FOXP1: variants seen among roughly 807,000 people sequenced by gnomAD.
FOXP1 encodes forkhead box P1.
FOXP1 carries 15 observed loss-of-function variants against 98.2 expected under a neutral mutation model. The ratio of observed to expected loss-of-function variants is 0.15; its 90% CI spans 0.10 to 0.24. The LOEUF is 0.24. Ranked by LOEUF, FOXP1 falls within the 10% of genes least tolerant of loss-of-function variation. The pLI is 1.00. For missense variants in FOXP1, 633 were observed against 848.5 expected (o/e 0.75, Z 3.15); for synonymous variants, 371 against 314.5 (o/e 1.18, Z -1.90).
chr3:71,229,733 A>T (rs951689100), intron 5 of FOXP1, among the ~76,000 whole-genome samples: 6 of 150,942 alleles, frequency 4.0e-5, no homozygotes, highest in African/African-American at 7.3e-5. Flanking sequence ...TTTGAAATTT[A>T]AAAAAAAATA....
At chr3:71,183,329 A>G (rs2062443718) in intron 6 of FOXP1, among the ~76,000 whole-genome samples, 2 of 152,074 alleles carry the variant, frequency 1.3e-5, no homozygotes, top group South Asian at 4.2e-4. Context: ...ACCTGTCTCT[A>G]CTAAAAATAC....
chr3:71,408,195 C>A (rs534742327), intron 3 of FOXP1, among the ~76,000 whole-genome samples: 1 of 151,984 alleles, frequency 6.6e-6, no homozygotes, highest in Admixed American at 6.5e-5. Flanking sequence ...TTGCAACAGG[C>A]GGAAATTTTT....
intron 6 of FOXP1, among the ~76,000 whole-genome samples, chr3:71,117,173 G>C (rs549470304): frequency 2.1e-4 from 32 of 151,640 alleles, no homozygotes; most frequent in African/African-American, 7.7e-4. Flanking sequence ...CTGTAGCCTT[G>C]ACCTCCTGGG....
At chr3:71,503,913 A>G (rs889811184) in intron 2 of FOXP1, among the ~76,000 whole-genome samples, 1 of 152,190 alleles carries the variant, frequency 6.6e-6, no homozygotes, top group African/African-American at 2.4e-5. Context: ...ACTATTCCTG[A>G]CTTTCAGATT....
At chr3:71,396,921 TATATATATATATACAC>T (rs2081423754) in intron 3 of FOXP1, among the ~76,000 whole-genome samples, 1 of 87,282 alleles carries the variant, frequency 1.1e-5, no homozygotes, top group Admixed American at 1.1e-4. Flanking sequence ...TATGTGTGTA[TATATATATATATACAC>T]ATATATATAT....
chr3:71,122,810 A>G (rs979919396), intron 6 of FOXP1, among the ~76,000 whole-genome samples: 1 of 152,138 alleles, frequency 6.6e-6, no homozygotes, highest in Non-Finnish European at 1.5e-5. Context: ...AACGAACAAA[A>G]CATTGTCTCA....
intron 9 of FOXP1, among the ~76,000 whole-genome samples, chr3:71,050,660 A>G (rs920452174): frequency 6.6e-6 from 1 of 152,264 alleles, no homozygotes; most frequent in Non-Finnish European, 1.5e-5. Context: ...GTGATCATGC[A>G]TAATGTGCTT....
chr3:71,246,293 G>T (rs2067744563), intron 5 of FOXP1, among the ~76,000 whole-genome samples: 1 of 152,206 alleles, frequency 6.6e-6, no homozygotes, highest in Non-Finnish European at 1.5e-5. Flanking sequence ...CAGTGATGCT[G>T]CCTGCGAGAA....
At chr3:71,382,610 C>G (rs1031184598) in intron 3 of FOXP1, among the ~76,000 whole-genome samples, 4 of 152,198 alleles carry the variant, frequency 2.6e-5, no homozygotes, top group Non-Finnish European at 5.9e-5. Flanking sequence ...AAATCTACAG[C>G]TTGACAGTTG....
intron 2 of FOXP1, among the ~76,000 whole-genome samples, chr3:71,543,985 A>C (rs1450316157): frequency 2.2e-5 from 3 of 133,908 alleles, no homozygotes; most frequent in Non-Finnish European, 5.3e-5. Flanking sequence ...CACACTATAT[A>C]TACACATATA....
chr3:71,578,553 C>A (rs560846442), intron 2 of FOXP1, among the ~76,000 whole-genome samples: 1 of 152,214 alleles, frequency 6.6e-6, no homozygotes, highest in East Asian at 1.9e-4. Context: ...GAGTTTGAGT[C>A]ATAAGTAAAA....
intron 7 of FOXP1, among the ~76,000 whole-genome samples, chr3:71,106,124 C>T (rs1260579549): frequency 6.6e-6 from 1 of 152,164 alleles, no homozygotes; most frequent in Non-Finnish European, 1.5e-5. Flanking sequence ...CCATCTTCCT[C>T]ATCCATTAAA....
chr3:71,246,058 G>A (rs1576574348), intron 5 of FOXP1, among the ~76,000 whole-genome samples: 1 of 151,948 alleles, frequency 6.6e-6, no homozygotes, highest in African/African-American at 2.4e-5. Flanking sequence ...GGGCTAGGCT[G>A]ATAAGGAGGG....
intron 6 of FOXP1, among the ~76,000 whole-genome samples, chr3:71,114,080 C>A (rs1202719953): frequency 6.6e-6 from 1 of 152,034 alleles, no homozygotes; most frequent in East Asian, 1.9e-4. Flanking sequence ...TATATGGTAA[C>A]CAAATTATTT....
chr3:71,504,066 T>C lies in FOXP1; in HGVS notation c.-297-10511A>G, dbSNP rs201026428. ...CAGCTTTGCCAACAACTGTTTGAGA[T>C]GTTTCGCAAGTCAGTGAGCTTCTCG... On this transcript the variant is annotated intron_variant, in intron 2 of 20. Coordinates refer to ENST00000649528, the MANE Select transcript of FOXP1 (RefSeq NM_001349338.3). Among the ~76,000 whole-genome samples, 8 of 152,324 alleles carry C rather than the reference T, an allele frequency of 5.3e-5. No individual in the cohort carries two copies. In the East Asian group the frequency reaches 1.5e-3, roughly 29 times the overall value.
chr3:71,003,629 T>C (rs1196099184), intron 12 of FOXP1, among the ~76,000 whole-genome samples: 3 of 152,162 alleles, frequency 2.0e-5, no homozygotes, highest in Non-Finnish European at 4.4e-5. Flanking sequence ...TCTAAATAAG[T>C]AGCTTGCCGG....
intron 6 of FOXP1, among the ~76,000 whole-genome samples, chr3:71,136,948 T>G (rs1014127024): frequency 6.6e-6 from 1 of 152,246 alleles, no homozygotes; most frequent in Admixed American, 6.5e-5. Context: ...TGTACCACTA[T>G]CAGCATAAGG....
intron 3 of FOXP1, among the ~76,000 whole-genome samples, chr3:71,441,895 A>G (rs1384412946): frequency 6.6e-6 from 1 of 152,204 alleles, no homozygotes; most frequent in Non-Finnish European, 1.5e-5. Context: ...GAAATTGGGG[A>G]AAAATTATTT....
intron 2 of FOXP1, among the ~76,000 whole-genome samples, chr3:71,549,605 C>T (rs1235589796): frequency 6.6e-6 from 1 of 152,108 alleles, no homozygotes; most frequent in Admixed American, 6.5e-5. Context: ...GAACTTCTGG[C>T]CTCAGGCGAT....
Sources: gnomAD v4.1 joint callset for allele counts (sites outside exome capture counted in the v4.1 genomes callset) on GRCh38, gnomAD v4.1.1 for gene constraint, MANE v1.5 for transcripts, NCBI Gene and HGNC (gene_info 2026-07-23, HGNC 2026-07-21) for gene names.